COG5: variants seen among roughly 807,000 people sequenced by gnomAD.
The protein encoded by COG5 is conserved oligomeric Golgi complex subunit 5.
COG5 carries 86 observed loss-of-function variants against 110.4 expected under a neutral mutation model. The observed-to-expected ratio is 0.78, with a 90% CI of 0.65 to 0.93. COG5 has a LOEUF of 0.93. Ranked by LOEUF, COG5 falls within the 40% of genes least tolerant of loss-of-function variation. The pLI is 0.00. For missense variants in COG5, 1,077 were observed against 987.0 expected (o/e 1.09, Z -1.22); for synonymous variants, 360 against 334.6 (o/e 1.08, Z -0.83).
chr7:107,283,125 A>T (rs1805318573), intron 13 of COG5, among the ~76,000 whole-genome samples: 1 of 152,222 alleles, frequency 6.6e-6, no homozygotes, highest in Non-Finnish European at 1.5e-5. Context: ...ACATTCACTT[A>T]AAAAGCTTAA....
At chr7:107,354,389 TG>T (rs1190613840) in intron 10 of COG5, among the ~76,000 whole-genome samples, 1 of 152,168 alleles carries the variant, frequency 6.6e-6, no homozygotes, top group Non-Finnish European at 1.5e-5. Flanking sequence ...AAAGAAAGAC[TG>T]AACTAGGGCT....
Position 107,202,268 on chromosome 7 carries a change from A to AATTTCCCCTC in COG5, c.*1247_*1248insGAGGGGAAAT, listed in dbSNP as rs1798386203. Reference sequence around the variant, plus strand: ...TATGGTGGGGGCAGACTTTGCACTTACTGCAGTGCAACACTTGCACTTTAA... The same window carrying AATTTCCCCTC: ...TATGGTGGGGGCAGACTTTGCACTTAATTTCCCCTCCTGCAGTGCAACACTTGCACTTTAA... On this transcript the variant is annotated 3_prime_UTR_variant, in exon 22 of 22. Coordinates refer to ENST00000297135, the MANE Select transcript of COG5 (RefSeq NM_006348.5). The AATTTCCCCTC allele has an allele frequency of 2.0e-5, 3 of 152,664 alleles. No individual in the cohort carries two copies. Among genetic ancestry groups the AATTTCCCCTC allele is most frequent in the Non-Finnish European group, 4.4e-5 (3 of 68,042 alleles). 9.5% of individuals were successfully genotyped at this position (152,664 alleles called of 1,614,324 possible). A position where few individuals can be genotyped will look rare whatever the true frequency, so the allele number is the denominator to read the frequency against.
chr7:107,275,453 C>CT (rs756754231), intron 14 of COG5, among the ~76,000 whole-genome samples: 2,868 of 145,362 alleles, frequency 0.02, 32 homozygotes, highest in Non-Finnish European at 0.024. Flanking sequence ...TGCCTTTGAT[C>CT]TTTTTTTTTT....
intron 17 of COG5, among the ~76,000 whole-genome samples, chr7:107,237,873 T>C (rs1584556463): frequency 6.6e-6 from 1 of 152,284 alleles, no homozygotes; most frequent in Admixed American, 6.5e-5. Flanking sequence ...GACAACTGCA[T>C]AGCCTAGCTT....
At chr7:107,257,319 A>G (rs913492096) in intron 15 of COG5, among the ~76,000 whole-genome samples, 1 of 152,084 alleles carries the variant, frequency 6.6e-6, no homozygotes, top group Non-Finnish European at 1.5e-5. Context: ...TGGAAAATAC[A>G]TCATTTAGTG....
At chr7:107,431,662 G>T (rs907452277) in intron 6 of COG5, among the ~76,000 whole-genome samples, 18 of 151,754 alleles carry the variant, frequency 1.2e-4, no homozygotes, top group Non-Finnish European at 2.4e-4. Flanking sequence ...TTTAGACAGG[G>T]TCTCGTTCTG....
intron 6 of COG5, among the ~76,000 whole-genome samples, chr7:107,497,139 G>A (rs1400626801): frequency 1.3e-5 from 2 of 152,146 alleles, no homozygotes; most frequent in African/African-American, 2.4e-5. Flanking sequence ...GAGCCCAGGA[G>A]TTTGAGGTTA....
chr7:107,285,344 C>G (rs1805539516), intron 12 of COG5, among the ~76,000 whole-genome samples: 1 of 152,178 alleles, frequency 6.6e-6, no homozygotes, highest in South Asian at 2.1e-4. Context: ...CTACTGACCT[C>G]AGAAGCCTCT....
chr7:107,271,033 A>G (rs530714985), intron 14 of COG5, among the ~76,000 whole-genome samples: 1 of 151,650 alleles, frequency 6.6e-6, no homozygotes, highest in Non-Finnish European at 1.5e-5. Flanking sequence ...CTATAACTTT[A>G]TAAGTCTTCT....
In COG5 at chr7:107,535,071, T is replaced by C. The variant is rs572889308; in HGVS notation, c.418-7714A>G. 2.6e-5 allele frequency among the ~76,000 whole-genome samples: 4 copies of C among 151,758 alleles called. No homozygotes were observed. In the South Asian group the frequency reaches 6.2e-4, roughly 24 times the overall value. On this transcript the variant is annotated intron_variant, in intron 5 of 21. Coordinates refer to ENST00000297135, the MANE Select transcript of COG5 (RefSeq NM_006348.5). Reference sequence around the variant, plus strand: ...GAACAACCTGATCCTGAATGACTACTGGGCAAATAACAAAATTAAGGCAGA... The same window carrying C: ...GAACAACCTGATCCTGAATGACTACCGGGCAAATAACAAAATTAAGGCAGA...
intron 6 of COG5, among the ~76,000 whole-genome samples, chr7:107,488,784 T>C (rs777392865): frequency 1.3e-5 from 2 of 151,970 alleles, no homozygotes; most frequent in Non-Finnish European, 2.9e-5. Flanking sequence ...GAGGCAGAGG[T>C]TGCAGTGAGC....
intron 12 of COG5, among the ~76,000 whole-genome samples, chr7:107,296,579 C>T (rs1806764924): frequency 8.1e-6 from 1 of 122,934 alleles, no homozygotes; most frequent in South Asian, 2.5e-4. Context: ...GTCAAAACTA[C>T]TCTTTTTTTT....
intron 5 of COG5, among the ~76,000 whole-genome samples, chr7:107,530,616 A>AAAC (rs1554457893): frequency 2.0e-5 from 3 of 151,186 alleles, no homozygotes; most frequent in Admixed American, 6.6e-5. Context: ...AAAAAAAAAA[A>AAAC]AAAAAAAAAA....
chr7:107,314,189 C>A (rs1337727986), intron 11 of COG5, among the ~76,000 whole-genome samples: 1 of 151,960 alleles, frequency 6.6e-6, no homozygotes, highest in East Asian at 1.9e-4. Context: ...AGAAAAATAA[C>A]AATTTTAAAA....
At chr7:107,345,480 T>A (rs1454107123) in intron 10 of COG5, among the ~76,000 whole-genome samples, 2 of 152,184 alleles carry the variant, frequency 1.3e-5, no homozygotes, top group East Asian at 3.8e-4. Flanking sequence ...ATGCCTATAC[T>A]GTATTATTCA....
At chr7:107,547,265 C>A (rs1361371812) in intron 5 of COG5, among the ~76,000 whole-genome samples, 1 of 151,940 alleles carries the variant, frequency 6.6e-6, no homozygotes, top group East Asian at 1.9e-4. Flanking sequence ...GAATGAAAGA[C>A]AAAAATCATA....
intron 19 of COG5, among the ~76,000 whole-genome samples, chr7:107,217,365 A>AG (rs1323839361): frequency 6.6e-6 from 1 of 152,172 alleles, no homozygotes; most frequent in Non-Finnish European, 1.5e-5. Context: ...AAAAAATCAA[A>AG]AAGGAAGGAA....
intron 7 of COG5, among the ~76,000 whole-genome samples, chr7:107,387,988 G>C (rs1185914055): frequency 6.6e-6 from 1 of 152,162 alleles, no homozygotes; most frequent in Non-Finnish European, 1.5e-5. Context: ...CTCTCTGCCT[G>C]GCCCATTGGC....
Position 107,554,362 on chromosome 7 carries a change from G to A in COG5, c.235-20C>T, listed in dbSNP as rs1803143485. On this transcript the variant is annotated intron_variant, in intron 2 of 21. Coordinates refer to ENST00000297135, the MANE Select transcript of COG5 (RefSeq NM_006348.5). ...AACAACCTGAAAATCAAAAATAAAT[G>A]ATTAGCTTTTGCTCTGTTAGGTATT... 1.2e-6 allele frequency: 2 copies of A among 1,609,308 alleles called. No individual in the cohort carries two copies. The highest frequency in any genetic ancestry group is 1.7e-6 in the Non-Finnish European group (2 of 1,175,846).
Sources: gnomAD v4.1 joint callset for allele counts (sites outside exome capture counted in the v4.1 genomes callset) on GRCh38, gnomAD v4.1.1 for gene constraint, MANE v1.5 for transcripts, NCBI Gene and HGNC (gene_info 2026-07-23, HGNC 2026-07-21) for gene names.